Variants in PCDHA9 observed in about 807,000 individuals in gnomAD.
PCDHA9 encodes the protein protocadherin alpha-9.
PCDHA9 carries 62 observed loss-of-function variants against 62.0 expected under a neutral mutation model. The ratio of observed to expected loss-of-function variants is 1.00; its 90% CI spans 0.81 to 1.23. PCDHA9 has a LOEUF of 1.23. Among genes scored for constraint, PCDHA9 ranks in the 50% most tolerant of loss-of-function variants. The probability of loss-of-function intolerance (pLI) is 0.00; values close to 1 mark genes in which losing one functional copy is unlikely to be tolerated. For synonymous variants in PCDHA9, 557 were observed against 567.6 expected (o/e 0.98, Z 0.27); for missense variants, 1,205 against 1,249.8 (o/e 0.96, Z 0.54).
chr5:140,893,656 TA>T (rs1241356048), intron 1 of PCDHA9, among the ~76,000 whole-genome samples: 28 of 152,340 alleles, frequency 1.8e-4, no homozygotes, highest in Admixed American at 1.6e-3. Flanking sequence ...CTGATAGTTT[TA>T]AAAAATTTCA....
chr5:140,909,214 T>C (rs1394994856), intron 1 of PCDHA9, among the ~76,000 whole-genome samples: 2 of 152,232 alleles, frequency 1.3e-5, no homozygotes, highest in African/African-American at 2.4e-5. Context: ...AGAGTTGATA[T>C]ACCCCTGAGG....
At chr5:140,857,864 C>T (rs782625866) in intron 1 of PCDHA9, 4 of 1,597,766 alleles carry the variant, frequency 2.5e-6, no homozygotes, top group Middle Eastern at 3.4e-4. Flanking sequence ...CAACGCGTGG[C>T]TGTCGTATGA....
rs373157192 is a variant in PCDHA9 at position 140,869,487 on chromosome 5, C to T, written c.2394+18598C>T. On this transcript the variant is annotated intron_variant, in intron 1 of 3. Transcript: ENST00000532602. ...ACGTGGAGGTGAAGGACATTAACGA[C>T]AACCCGCCGGTGTTCTCGCTCAGAG... The T allele has an allele frequency of 5.2e-5, 84 of 1,614,180 alleles. No homozygotes were observed. The African/African-American group carries it at 8.9e-4, about 17-fold the overall frequency.
intron 1 of PCDHA9, chr5:140,968,723 GGTA>G (rs1199893104): frequency 9.3e-6 from 15 of 1,613,990 alleles, no homozygotes; most frequent in Non-Finnish European, 1.3e-5. Context: ...AGATGAGAGT[GGTA>G]GCACTTTCAA....
chr5:140,849,333 T>G lies in PCDHA9; in HGVS notation c.838T>G (p.Ser280Ala). The G allele has an allele frequency of 2.9e-6, 4 of 1,383,164 alleles. No homozygotes were observed. Among genetic ancestry groups the G allele is most frequent in the Non-Finnish European group, 4.0e-6 (4 of 1,010,620 alleles). 85.7% of individuals were successfully genotyped at this position (1,383,164 alleles called of 1,614,324 possible). The stretch of plus-strand genomic sequence containing the variant: ...AGGCTTGAATGGGGATATTATTTAC[T>G]CCTTCTCCAGTGATGTTTCTCCAGA... The part of the protein sequence containing the change: ...DEGLNGDIIY[S>A]FSSDVSPDIK... The change falls in exon 1 of 4, where the codon TCC becomes GCC. Residue 280 changes from serine (S) to alanine (A), a missense_variant. By Grantham distance (99) the Ser-to-Ala change is moderately conservative. This residue lies in a region of PCDHA9 where 110 missense variants were observed against 227.2 expected (regional missense o/e 0.48). Transcript: ENST00000532602.
At chr5:140,870,692 T>C (rs1321391908) in intron 1 of PCDHA9, 2 of 1,612,828 alleles carry the variant, frequency 1.2e-6, no homozygotes, top group African/African-American at 1.3e-5. Flanking sequence ...CTGGAGCTGC[T>C]ACAGTTCCAG....
chr5:140,972,294 C>T (rs944183626), intron 1 of PCDHA9, among the ~76,000 whole-genome samples: 14 of 151,458 alleles, frequency 9.2e-5, no homozygotes, highest in South Asian at 2.1e-4. Context: ...TGTGCGCCAC[C>T]GTGTCTGACT....
rs201937079 is a variant in PCDHA9 at position 140,870,716 on chromosome 5, A to G, written c.2394+19827A>G. 15 of 1,613,024 alleles carry G rather than the reference A, an allele frequency of 9.3e-6. No individual in the cohort carries two copies. The highest frequency in any genetic ancestry group is 1.2e-5 in the Non-Finnish European group (14 of 1,179,860). On this transcript the variant is annotated intron_variant, in intron 1 of 3. Coordinates refer to ENST00000532602, the MANE Select transcript of PCDHA9 (RefSeq NM_031857.2). ...CTACAGTTCCAGGTGAGCGCGCGCG[A>G]TGCGGGCGTGCCGCCTCTGAGCAGC... is the stretch of plus-strand genomic sequence containing the variant.
intron 1 of PCDHA9, among the ~76,000 whole-genome samples, chr5:140,895,467 T>A (rs1201680855): frequency 6.6e-6 from 1 of 152,204 alleles, no homozygotes. Flanking sequence ...CATTTCTTTA[T>A]CCTCTTCGGA....
At chr5:140,929,175 A>G (rs1554206790) in intron 1 of PCDHA9, 2 of 1,614,126 alleles carry the variant, frequency 1.2e-6, no homozygotes, top group East Asian at 4.5e-5. Flanking sequence ...CCTCTCTGGG[A>G]CTTGGTTCTG....
chr5:140,959,118 C>T (rs781848896), intron 1 of PCDHA9, among the ~76,000 whole-genome samples: 8 of 151,838 alleles, frequency 5.3e-5, no homozygotes, highest in Non-Finnish European at 1.0e-4. Context: ...CGAAGGTGGG[C>T]GAGGTGAGCC....
chr5:140,850,766 G>T lies in PCDHA9; in HGVS notation c.2271G>T (p.Arg757Ser). The stretch of plus-strand genomic sequence containing the variant: ...CGTACTCGCAGCAGAGGAGGCAGAG[G>T]GTGTGCTCTGGCGAGGGTAAGCAGA... ...SWSYSQQRRQ[R>S]VCSGEGKQKT... The change falls in exon 1 of 4, where the codon AGG (arginine) becomes AGT (serine). Residue 757 changes from arginine (R) to serine (S), a missense_variant. By Grantham distance (110) the Arg-to-Ser change is moderately radical. Around this residue, in one of 3 missense-constraint regions of PCDHA9, gnomAD observed 887 missense variants for 809.5 expected, o/e 1.10. Coordinates refer to ENST00000532602, the MANE Select transcript of PCDHA9 (RefSeq NM_031857.2). 1 of 1,598,074 alleles carries T rather than the reference G, an allele frequency of 6.3e-7. No individual in the cohort carries two copies. Among genetic ancestry groups the T allele is most frequent in the Non-Finnish European group, 8.6e-7 (1 of 1,167,638 alleles).
At chr5:140,924,715 C>T (rs1258622619) in intron 1 of PCDHA9, among the ~76,000 whole-genome samples, 5 of 151,692 alleles carry the variant, frequency 3.3e-5, no homozygotes, top group African/African-American at 7.3e-5. Context: ...TGCAACATGG[C>T]GAAACCTCAC....
chr5:140,926,852 T>C, intron 1 of PCDHA9: 2 of 1,517,714 alleles, frequency 1.3e-6, no homozygotes, highest in Non-Finnish European at 1.8e-6. Flanking sequence ...GGGTCACCGT[T>C]GGTGTAGCGT....
chr5:141,005,714 A>AAG (rs2098233543), intron 3 of PCDHA9, among the ~76,000 whole-genome samples: 1 of 148,328 alleles, frequency 6.7e-6, no homozygotes, highest in Non-Finnish European at 1.5e-5. Flanking sequence ...AAAAAAAAAA[A>AAG]AAAAAAAAAA....
At chr5:140,967,894 G>A (rs1586251835) in intron 1 of PCDHA9, 5 of 1,614,192 alleles carry the variant, frequency 3.1e-6, no homozygotes, top group Non-Finnish European at 3.4e-6. Context: ...CAGTGCCTGA[G>A]AATGCTACAC....
chr5:140,858,680 A>G (rs2045557174), intron 1 of PCDHA9: 4 of 623,692 alleles, frequency 6.4e-6, no homozygotes, highest in Non-Finnish European at 1.1e-5. Flanking sequence ...TTCTGAATAC[A>G]CTAATATTTT....
At chr5:140,976,316 C>T (rs1336395893) in intron 1 of PCDHA9, among the ~76,000 whole-genome samples, 17 of 152,002 alleles carry the variant, frequency 1.1e-4, no homozygotes, top group Admixed American at 1.0e-3. Context: ...TTTGGGAGGC[C>T]GAGGAGGGTG....
intron 1 of PCDHA9, chr5:140,966,540 C>G (rs1477712677): frequency 4.3e-6 from 2 of 462,788 alleles, no homozygotes; most frequent in African/African-American, 2.0e-5. Flanking sequence ...TTGAGCGACT[C>G]GGAGGCGAGC....
Sources: allele counts gnomAD v4.1 joint callset (sites outside exome capture counted in the v4.1 genomes callset), GRCh38; gene constraint gnomAD v4.1.1; regional missense constraint gnomAD v4.1.1; transcripts MANE v1.5; gene names NCBI Gene and HGNC (gene_info 2026-07-23, HGNC 2026-07-21).